The following TOP3B variants were observed in gnomAD, a reference collection of about 807,000 sequenced individuals.
TOP3B encodes DNA topoisomerase 3-beta-1.
TOP3B carries 45 observed loss-of-function variants against 93.9 expected under a neutral mutation model. The ratio of observed to expected loss-of-function variants is 0.48; its 90% CI spans 0.38 to 0.61. The LOEUF is 0.61. Ranked by LOEUF, TOP3B falls within the 20% of genes least tolerant of loss-of-function variation. TOP3B has a pLI of 0.00. For synonymous variants in TOP3B, 357 were observed against 472.6 expected (o/e 0.76, Z 3.17); for missense variants, 750 against 1,156.1 (o/e 0.65, Z 5.09).
In TOP3B at chr22:21,962,295, C is replaced by G. The variant is rs746438042; in HGVS notation, c.1525+134G>C. On this transcript the variant is annotated intron_variant, in intron 13 of 17. Coordinates refer to ENST00000357179, the MANE Select transcript of TOP3B (RefSeq NM_001282112.2). ...GCCTGGCTGGCCACACACTGGGTCA[C>G]CAGTTTCCAGATACCAGCCCATGGA... The G allele has an allele frequency of 1.9e-5, 31 of 1,592,984 alleles. No homozygotes were observed. The African/African-American group carries it at 3.7e-4, about 19-fold the overall frequency.
At chr22:21,960,041 TG>T (rs1398766613) in intron 14 of TOP3B, 1 of 615,452 alleles carries the variant, frequency 1.6e-6, no homozygotes, top group Non-Finnish European at 2.8e-6. Context: ...CCTCTCCCCT[TG>T]GCCCCTGGGG....
intron 4 of TOP3B, 77 bp downstream of exon 4, chr22:21,972,535 C>T: frequency 8.6e-7 from 1 of 1,161,438 alleles, no homozygotes; most frequent in African/African-American, 1.6e-5. Flanking sequence ...AGGACTCAAG[C>T]AAGGGTGGGC....
Position 21,962,752 on chromosome 22 carries a change from G to A in TOP3B, c.1346C>T (p.Ser449Leu), listed in dbSNP as rs1239210863. ...LFTCSGKTVL[S>L]PGFTEVMPWQ... ...GGCTGGGCCCGTGGTGTGACCTGGT[G>A]AGAGGACGGTCTTCCCGGAGCAGGT... Residue 449 changes from serine (S) to leucine (L), a missense_variant, in exon 12 of 18, where the codon TCA becomes TTA. Coordinates refer to ENST00000357179, the MANE Select transcript of TOP3B (RefSeq NM_001282112.2). The A allele has an allele frequency of 1.9e-6, 3 of 1,614,056 alleles. No individual in the cohort carries two copies. The Admixed American group carries it at 5.0e-5, about 27-fold the overall frequency.
intron 8 of TOP3B, chr22:21,965,589 G>A: frequency 3.0e-6 from 1 of 337,914 alleles, no homozygotes; most frequent in Non-Finnish European, 5.4e-6. Context: ...AATTTTGGCT[G>A]GGTGTGGTGG....
rs928268514 is a variant in TOP3B, at chr22:21,971,637, T to C, written c.384+240A>G. The C allele has an allele frequency of 3.1e-5, 17 of 554,784 alleles. No homozygotes were observed. The highest frequency in any genetic ancestry group is 4.9e-4 in the Middle Eastern group (1 of 2,044). 34.4% of individuals were successfully genotyped at this position (554,784 alleles called of 1,614,324 possible). A position where few individuals can be genotyped will look rare whatever the true frequency, so the allele number is the denominator to read the frequency against. ...CACCCAGACAATTTGGCCCCTCCTATGTTCACTCATACCGTTGAGGCCTCA... is the reference window on the plus strand; with the variant it reads ...CACCCAGACAATTTGGCCCCTCCTACGTTCACTCATACCGTTGAGGCCTCA... On this transcript the variant is annotated intron_variant, in intron 5 of 17. Transcript: ENST00000357179. The surrounding 1 kb of genome is among the most constrained non-coding windows in gnomAD (Gnocchi z 4.6).
At position 21,963,931 on chromosome 22, in the gene TOP3B, G is replaced by C; in HGVS notation, c.1196C>G (p.Ala399Gly). The change falls in exon 11 of 18, where the codon GCC (alanine) becomes GGC (glycine). Residue 399 changes from alanine (A) to glycine (G), a missense_variant. By Grantham distance (60) the Ala-to-Gly change is moderately conservative. Around this residue, in one of 4 missense-constraint regions of TOP3B, gnomAD observed 737 missense variants for 933.7 expected, o/e 0.79. Coordinates refer to ENST00000357179, the MANE Select transcript of TOP3B (RefSeq NM_001282112.2). This position sits in a 1 kb window ranked among gnomAD's most constrained non-coding sequence, Gnocchi z 4.8. The part of the protein sequence containing the change: ...PITPMKSATE[A>G]ELGGDAWRLY... ...TGGGATGAGAGCGGTACCTAATTCGGCCTCTGTGGCAGACTTCATGGGGGT... is the reference window on the plus strand; with the variant it reads ...TGGGATGAGAGCGGTACCTAATTCGCCCTCTGTGGCAGACTTCATGGGGGT... 1 of 1,613,630 alleles carries C rather than the reference G, an allele frequency of 6.2e-7. No individual in the cohort carries two copies. Among genetic ancestry groups the C allele is most frequent in the East Asian group, 2.2e-5 (1 of 44,882 alleles).
chr22:21,976,872 T>G (rs1433063844), intron 1 of TOP3B: 1 of 152,208 alleles, frequency 6.6e-6, no homozygotes, highest in East Asian at 1.9e-4. Context: ...AGACTCGTAT[T>G]GAGACAACTG....
chr22:21,968,740 T>G lies in TOP3B; in HGVS notation c.617A>C (p.Asp206Ala). ...QTKYFQGKYG[D>A]LDSSLISFGP... ...AAAGGAGATGAGAGAGCTGTCTAAA[T>G]CACCGTATTTCCCCTGGAAATATTT... The change falls in exon 7 of 18, where the codon GAT becomes GCT. Residue 206 changes from aspartate to alanine, a missense_variant. Asp to Ala is a moderately radical substitution (Grantham distance 126, BLOSUM62 -2). Coordinates refer to ENST00000357179, the MANE Select transcript of TOP3B (RefSeq NM_001282112.2). 1 of 1,614,150 alleles carries G rather than the reference T, an allele frequency of 6.2e-7. No homozygotes were observed.
intron 15 of TOP3B, 65 bp downstream of exon 15, chr22:21,959,522 A>G: frequency 6.5e-7 from 1 of 1,536,234 alleles, no homozygotes; most frequent in South Asian, 1.3e-5. Context: ...CTGGGTCCCC[A>G]GGTACTGGCC....
chr22:21,960,598 C>T lies in TOP3B; in HGVS notation c.1526-149G>A. The T allele has an allele frequency of 2.9e-6, 3 of 1,051,966 alleles. No homozygotes were observed. In the South Asian group the frequency reaches 4.5e-5, roughly 16 times the overall value. The allele number at this position is 1,051,966 out of a possible 1,614,324, so 65.2% of individuals were successfully genotyped here. A position where few individuals can be genotyped will look rare whatever the true frequency, so the allele number is the denominator to read the frequency against. On this transcript the variant is annotated intron_variant, in intron 13 of 17. Coordinates refer to ENST00000357179, the MANE Select transcript of TOP3B (RefSeq NM_001282112.2). The stretch of plus-strand genomic sequence containing the variant: ...GGGAGGGCTGTGCCCTGAGCTCCCC[C>T]TGCACTGTGCTGGGCACCAACTGCA...
rs1023759616 is a variant in TOP3B, at chr22:21,974,299, A to T, written c.202+58T>A. 1.9e-6 allele frequency: 3 copies of T among 1,572,498 alleles called. No homozygotes were observed. The African/African-American group carries it at 4.0e-5, about 21-fold the overall frequency. On this transcript the variant is annotated intron_variant, in intron 3 of 17. Transcript: ENST00000357179. ...AGAGGCATCTCCTGGCTTCAACTGG[A>T]CCCTGGCCAGTGCCATGCAGAACTC...
chr22:21,982,187 A>C (rs2084646975), intron 1 of TOP3B: 1 of 152,228 alleles, frequency 6.6e-6, no homozygotes, highest in Non-Finnish European at 1.5e-5. Flanking sequence ...AGGCAAGACT[A>C]GGAACATCTT....
At position 21,970,785 on chromosome 22, in the gene TOP3B, C is replaced by T. The variant is rs574304449; in HGVS notation, c.385-379G>A. Reference sequence around the variant, plus strand: ...GTCCCCAAACCCATCCCATGTGACACGATTCCCTGCCTTCTAGGAGGGAGG... The same window carrying T: ...GTCCCCAAACCCATCCCATGTGACATGATTCCCTGCCTTCTAGGAGGGAGG... On this transcript the variant is annotated intron_variant, in intron 5 of 17. Coordinates refer to ENST00000357179, the MANE Select transcript of TOP3B (RefSeq NM_001282112.2). The surrounding 1 kb of genome is among the most constrained non-coding windows in gnomAD (Gnocchi z 4.4). The T allele has an allele frequency of 1.2e-3, 339 of 291,150 alleles. 5 individuals carry two copies. In the South Asian group the frequency reaches 0.012, roughly 10 times the overall value. The allele number at this position is 291,150 out of a possible 1,614,324, so 18.0% of individuals were successfully genotyped here.
Position 21,971,693 on chromosome 22 carries a change from T to C in TOP3B, c.384+184A>G, listed in dbSNP as rs1386609620. The C allele has an allele frequency of 9.0e-6, 6 of 669,978 alleles. No homozygotes were observed. Among genetic ancestry groups the C allele is most frequent in the African/African-American group, 5.3e-5 (3 of 56,456 alleles). The allele number at this position is 669,978 out of a possible 1,614,324, so 41.5% of individuals were successfully genotyped here. ...CGGAGGAACAACTGACCACCTTTAA[T>C]AGAGCCTATGCAGTTAAAAGTATCT... On this transcript the variant is annotated intron_variant, in intron 5 of 17. Transcript: ENST00000357179. This position sits in a 1 kb window ranked among gnomAD's most constrained non-coding sequence, Gnocchi z 4.6.
At chr22:21,968,574 C>T in intron 7 of TOP3B, 45 bp downstream of exon 7, 5 of 1,608,304 alleles carry the variant, frequency 3.1e-6, no homozygotes, top group Non-Finnish European at 4.2e-6. Context: ...GAATCCATGC[C>T]CCAAACCCAG....
chr22:21,964,496 C>CT, intron 9 of TOP3B, 181 bp from the exon 10 acceptor site: 3 of 664,248 alleles, frequency 4.5e-6, no homozygotes, highest in Non-Finnish European at 7.6e-6. Flanking sequence ...GCCACACAGT[C>CT]TTGTATGAGG....
rs1352981389 is a variant in TOP3B, at chr22:21,958,676, C to A, written c.1923G>T (p.Leu641=). 1 of 1,600,138 alleles carries A rather than the reference C, an allele frequency of 6.2e-7. No individual in the cohort carries two copies. Among genetic ancestry groups the A allele is most frequent in the Non-Finnish European group, 8.5e-7 (1 of 1,170,176 alleles). ...AGGTCTCATCGCAGTGGGAGCAGTG[C>A]AGGCGGCTTGGCTTGGCCTGCGGCA... ...MKYIQAKPSR[L]HCSHCDETYT... is the part of the protein sequence containing the mutation. Residue 641 remains leucine, a synonymous_variant, in exon 17 of 18, where the codon CTG becomes CTT. Coordinates refer to ENST00000357179, the MANE Select transcript of TOP3B (RefSeq NM_001282112.2).
chr22:21,975,970 G>C, intron 1 of TOP3B, 163 bp from the exon 2 acceptor site: 12 of 333,886 alleles, frequency 3.6e-5, no homozygotes, highest in Admixed American at 5.1e-5. Context: ...TTAAAAACAA[G>C]AAAAAACTAC....
chr22:21,967,804 G>A, intron 7 of TOP3B, 88 bp from the exon 8 acceptor site: 1 of 1,046,942 alleles, frequency 9.6e-7, no homozygotes, highest in Non-Finnish European at 1.5e-6. Flanking sequence ...GATGAAGCTG[G>A]TCCTTGTCTG....
Sources: allele counts gnomAD v4.1 joint callset, GRCh38; gene constraint gnomAD v4.1.1; regional missense constraint gnomAD v4.1.1; non-coding constraint Gnocchi (gnomAD v3.1); transcripts MANE v1.5; gene names NCBI Gene and HGNC (gene_info 2026-07-23, HGNC 2026-07-21).